The following C19orf38 variants were observed in gnomAD, a reference collection of about 807,000 sequenced individuals.
C19orf38 encodes the protein chromosome 19 open reading frame 38.
A neutral mutation model predicts 26.6 loss-of-function variants in C19orf38; 14 were observed. The observed-to-expected ratio is 0.53, with a 90% CI of 0.35 to 0.82. The LOEUF (loss-of-function observed/expected upper bound fraction) is 0.82, where lower values mean the gene tolerates loss of function less well. C19orf38 is among the 40% of genes least tolerant of loss of function. The probability of loss-of-function intolerance (pLI) is 0.01; values close to 1 mark genes in which losing one functional copy is unlikely to be tolerated. For missense variants in C19orf38, 261 were observed against 299.5 expected, an observed-to-expected ratio of 0.87 and a Z score of 0.95; for synonymous variants, 132 against 128.5, an observed-to-expected ratio of 1.03 and a Z score of -0.18.
intron 5 of C19orf38, 124 bp from the exon 6 acceptor site, chr19:10,863,046 G>A (rs1599671231): frequency 1.0e-6 from 1 of 965,182 alleles, no homozygotes; most frequent in Non-Finnish European, 1.6e-6. Flanking sequence ...AGGCGCCATA[G>A]AGGATGCTGG....
At chr19:10,838,625 A>G (rs2073455735) in intron 1 of C19orf38, among the ~76,000 whole-genome samples, 1 of 152,150 alleles carries the variant, frequency 6.6e-6, no homozygotes, top group Admixed American at 6.6e-5. Flanking sequence ...GGACCAGGAC[A>G]CACAAAAGAA....
intron 5 of C19orf38, among the ~76,000 whole-genome samples, chr19:10,860,877 GC>G (rs1285717409): frequency 6.7e-6 from 1 of 149,478 alleles, no homozygotes; most frequent in African/African-American, 2.5e-5. Context: ...AGGCACGGTG[GC>G]TCACGCCTGT....
At chr19:10,856,399 A>T in intron 3 of C19orf38, 42 bp downstream of exon 3, 1 of 1,486,210 alleles carries the variant, frequency 6.7e-7, no homozygotes, top group Non-Finnish European at 9.2e-7. Flanking sequence ...GCCAGTTGAC[A>T]ACTTCTGGAA....
intron 6 of C19orf38, among the ~76,000 whole-genome samples, 193 bp downstream of exon 6, chr19:10,863,400 G>T (rs1035479052): frequency 2.6e-5 from 4 of 152,152 alleles, no homozygotes; most frequent in Non-Finnish European, 2.9e-5. Context: ...ATCCCAGGGG[G>T]TGTGTTAATT....
intron 4 of C19orf38, among the ~76,000 whole-genome samples, chr19:10,859,678 C>T (rs745578158): frequency 4.6e-5 from 7 of 152,076 alleles, no homozygotes; most frequent in Non-Finnish European, 1.0e-4. Context: ...GCCACTGCGC[C>T]TGGCCCAAGA....
chr19:10,853,853 C>T (rs1257982277), intron 2 of C19orf38, among the ~76,000 whole-genome samples: 1 of 151,512 alleles, frequency 6.6e-6, no homozygotes, highest in Non-Finnish European at 1.5e-5. Flanking sequence ...ACCTCAGCCT[C>T]CCAAAGTGCT....
At chr19:10,842,321 C>A in intron 1 of C19orf38, 1 of 684,912 alleles carries the variant, frequency 1.5e-6, no homozygotes, top group South Asian at 1.8e-5. Context: ...AGTGCAGTGG[C>A]GCGACCTTGG....
intron 3 of C19orf38, among the ~76,000 whole-genome samples, chr19:10,857,360 ATATATATTTT>A (rs1310877966): frequency 3.7e-5 from 3 of 82,086 alleles, no homozygotes; most frequent in Non-Finnish European, 4.1e-5. Flanking sequence ...ATATATATAT[ATATATATTTT>A]TTTTTTTTTT....
At chr19:10,848,330 G>C, upstream of C19orf38, 4 of 627,314 alleles carry the variant, frequency 6.4e-6, no homozygotes, top group Non-Finnish European at 1.1e-5. Context: ...GGTGGGGAGG[G>C]GAGAGAGTCC....
chr19:10,857,366 A>ATATATATATATTT (rs1433358051), intron 3 of C19orf38, among the ~76,000 whole-genome samples: 30 of 56,076 alleles, frequency 5.3e-4, no homozygotes, highest in African/African-American at 1.2e-3. Flanking sequence ...ATATATATAT[A>ATATATATATATTT]TTTTTTTTTT....
chr19:10,857,337 T>C (rs1304323410), intron 3 of C19orf38, among the ~76,000 whole-genome samples: 10 of 87,866 alleles, frequency 1.1e-4, no homozygotes, highest in Admixed American at 8.2e-4. Context: ...CACACACACA[T>C]ACATATATAT....
At chr19:10,854,208 G>A (rs1414841179) in intron 2 of C19orf38, among the ~76,000 whole-genome samples, 3 of 151,606 alleles carry the variant, frequency 2.0e-5, no homozygotes, top group South Asian at 2.1e-4. Flanking sequence ...GACTACAGGC[G>A]CCAACCACCA....
chr19:10,837,259 C>G (rs1479201889), intron 1 of C19orf38, among the ~76,000 whole-genome samples: 1 of 152,154 alleles, frequency 6.6e-6, no homozygotes, highest in East Asian at 1.9e-4. Context: ...GTTTAGTCTT[C>G]AAAGATAAAC....
rs566409872 is a variant in C19orf38 at position 10,862,201 on chromosome 19, GT to G, written c.506-948del. Among the ~76,000 whole-genome samples, 1,178 of 120,910 alleles carry G rather than the reference GT, an allele frequency of 9.7e-3. 8 individuals are homozygous for G. The highest frequency in any genetic ancestry group is 0.033 in the African/African-American group (1,054 of 32,278). The allele number at this position is 120,910 out of a possible 152,430, so 79.3% of individuals were successfully genotyped here. On this transcript the variant is annotated intron_variant, in intron 5 of 6. Coordinates refer to ENST00000397820, the MANE Select transcript of C19orf38 (RefSeq NM_001136482.3). ...AGGCATGAGCCACCGCGCCCAGCCT[GT>G]TTTTTTTTTTTTTTTTTTTTGAGAC...
At chr19:10,868,434 C>T (rs1296387080) in intron 6 of C19orf38, among the ~76,000 whole-genome samples, 1 of 152,166 alleles carries the variant, frequency 6.6e-6, no homozygotes, top group African/African-American at 2.4e-5. Flanking sequence ...GCCTCCAAGG[C>T]AGAGGAGGAG....
rs1437206635 is a variant in C19orf38, at chr19:10,850,259, G to C, written c.32G>C (p.Gly11Ala). Residue 11 changes from glycine to alanine, a missense_variant and splice_region_variant, in exon 2 of 7, where the codon GGC becomes GCC. Transcript: ENST00000397820. MPWTILLFAAGSLAIPAPSIR... is the reference protein window; with the variant it reads MPWTILLFAAASLAIPAPSIR... ...ACCCACCTTACCCTCTGCATTGCAG[G>C]CTCCTTGGCGATCCCAGCACCATCC... The C allele has an allele frequency of 6.5e-7, 1 of 1,548,928 alleles. No individual in the cohort carries two copies. The highest frequency in any genetic ancestry group is 1.2e-5 in the South Asian group (1 of 83,894).
intron 5 of C19orf38, among the ~76,000 whole-genome samples, chr19:10,861,364 G>C (rs1160738482): frequency 1.3e-5 from 2 of 152,160 alleles, no homozygotes; most frequent in African/African-American, 4.8e-5. Context: ...TCTCTTGAAG[G>C]CACCCCAAGC....
chr19:10,863,772 G>C (rs2073726054), intron 6 of C19orf38, among the ~76,000 whole-genome samples: 1 of 152,116 alleles, frequency 6.6e-6, no homozygotes, highest in African/African-American at 2.4e-5. Context: ...AATTAGCTGG[G>C]CGTGGTGGTG....
chr19:10,863,930 A>G (rs2073727550), intron 6 of C19orf38, among the ~76,000 whole-genome samples: 1 of 152,124 alleles, frequency 6.6e-6, no homozygotes, highest in Non-Finnish European at 1.5e-5. Flanking sequence ...ACAAACAGAT[A>G]AAAATGAAAA....
Sources: allele counts gnomAD v4.1 joint callset (sites outside exome capture counted in the v4.1 genomes callset), GRCh38; gene constraint gnomAD v4.1.1; transcripts MANE v1.5; gene names NCBI Gene and HGNC (gene_info 2026-07-23, HGNC 2026-07-21).